SIRT5: variants seen among roughly 807,000 people sequenced by gnomAD.
SIRT5 encodes the protein NAD-dependent protein deacylase sirtuin-5, mitochondrial.
Under a neutral mutation model 40.0 loss-of-function variants are expected in SIRT5, and 26 were observed. The ratio of observed to expected loss-of-function variants is 0.65; its 90% CI spans 0.48 to 0.90. SIRT5 has a LOEUF of 0.90. Among genes scored for constraint, SIRT5 ranks in the 40% least tolerant of loss-of-function variants. SIRT5 has a pLI of 0.00. For missense variants in SIRT5, 401 were observed against 402.4 expected, an observed-to-expected ratio of 1.00 and a Z score of 0.03; for synonymous variants, 146 against 149.1, an observed-to-expected ratio of 0.98 and a Z score of 0.15.
At chr6:13,606,488 G>C (rs1763124322) in intron 9 of SIRT5, among the ~76,000 whole-genome samples, 1 of 152,106 alleles carries the variant, frequency 6.6e-6, no homozygotes, top group Admixed American at 6.5e-5. Flanking sequence ...TGTGTGTTAG[G>C]GAAGTCCAGC....
intron 1 of SIRT5, among the ~76,000 whole-genome samples, chr6:13,579,060 C>T (rs1419130426): frequency 6.6e-6 from 1 of 152,134 alleles, no homozygotes; most frequent in Non-Finnish European, 1.5e-5. Flanking sequence ...CACAATGGTG[C>T]CTTGTCACCC....
chr6:13,577,518 T>G (rs1758781217), intron 1 of SIRT5, among the ~76,000 whole-genome samples: 2 of 151,862 alleles, frequency 1.3e-5, no homozygotes, highest in South Asian at 4.1e-4. Context: ...CTGAATTTAT[T>G]AGTTCTAACA....
At position 13,611,234 on chromosome 6, in the gene SIRT5, TATAC is replaced by T. The variant is rs1276487591; in HGVS notation, c.858-554_858-551del. Among the ~76,000 whole-genome samples, 421 of 132,648 alleles carry T rather than the reference TATAC, an allele frequency of 3.2e-3. 2 individuals carry two copies. The highest frequency in any genetic ancestry group is 7.9e-3 in the African/African-American group (253 of 32,106). The allele number at this position is 132,648 out of a possible 152,430, so 87.0% of individuals were successfully genotyped here. On this transcript the variant is annotated intron_variant, in intron 9 of 9. Transcript: ENST00000606117. ...ATATATATATATATATATATATATA[TATAC>T]ACACACACATACACACACACATATA...
In SIRT5 at chr6:13,614,407, A is replaced by C. The variant is rs1320122154; in HGVS notation, c.*2542A>C. The C allele has an allele frequency of 6.6e-6, 1 of 152,272 alleles. No individual in the cohort carries two copies. Among genetic ancestry groups the C allele is most frequent in the Non-Finnish European group, 1.5e-5 (1 of 68,074 alleles). 9.4% of individuals were successfully genotyped at this position (152,272 alleles called of 1,614,324 possible). On this transcript the variant is annotated 3_prime_UTR_variant, in exon 10 of 10. Coordinates refer to ENST00000606117, the MANE Select transcript of SIRT5 (RefSeq NM_012241.5). The stretch of plus-strand genomic sequence containing the variant: ...GGGCTGCGGCAGTAGAGGGAAGAGC[A>C]CGGTCGGTACAAATGCATGGCAGGT...
rs758228538 is a variant in SIRT5 at position 13,599,122 on chromosome 6, C to T, written c.708C>T (p.Asp236=). The change falls in exon 8 of 10, where the codon GAC becomes GAT. Residue 236 remains aspartate (D), a synonymous_variant. Transcript: ENST00000606117. The part of the protein sequence containing the change: ...NLDPAILEEV[D]RELAHCDLCL... ...ATCCTGCCATTCTGGAGGAGGTTGA[C>T]AGAGAGCTCGCCCACTGTGATTTAT... The T allele has an allele frequency of 2.5e-6, 4 of 1,614,082 alleles. 1 individual carries two copies. Among genetic ancestry groups the T allele is most frequent in the East Asian group, 2.2e-5 (1 of 44,878 alleles).
intron 4 of SIRT5, chr6:13,588,955 T>TA (rs1760439820): frequency 1.3e-5 from 2 of 153,552 alleles, no homozygotes; most frequent in African/African-American, 4.8e-5. Context: ...ATACATAAAG[T>TA]AAAAGTCACC....
At chr6:13,590,647 G>A (rs1176744513) in intron 4 of SIRT5, among the ~76,000 whole-genome samples, 1 of 152,052 alleles carries the variant, frequency 6.6e-6, no homozygotes, top group Non-Finnish European at 1.5e-5. Context: ...ATGTTTAGTT[G>A]TGTGTGTGCA....
chr6:13,597,904 A>G (rs1761812992), intron 7 of SIRT5, among the ~76,000 whole-genome samples: 1 of 152,204 alleles, frequency 6.6e-6, no homozygotes, highest in African/African-American at 2.4e-5. Context: ...TTCATAGAAC[A>G]TTAATTTAAT....
intron 9 of SIRT5, chr6:13,604,526 C>A: frequency 1.3e-6 from 2 of 1,580,272 alleles, no homozygotes; most frequent in Non-Finnish European, 1.7e-6. Flanking sequence ...TAAAACAAGT[C>A]ATCATTGTAG....
At chr6:13,593,825 G>A (rs187821668) in intron 5 of SIRT5, among the ~76,000 whole-genome samples, 349 of 152,280 alleles carry the variant, frequency 2.3e-3, no homozygotes, top group African/African-American at 7.9e-3. Flanking sequence ...CATAAAGTAT[G>A]AGTATGATAA....
Position 13,612,007 on chromosome 6 carries a change from T to C in SIRT5, c.*142T>C, listed in dbSNP as rs1008238378. The C allele has an allele frequency of 2.8e-5, 19 of 690,220 alleles. No individual in the cohort carries two copies. The African/African-American group carries it at 3.1e-4, about 11-fold the overall frequency. 42.8% of individuals were successfully genotyped at this position (690,220 alleles called of 1,614,324 possible). A position where few individuals can be genotyped will look rare whatever the true frequency, so the allele number is the denominator to read the frequency against. On this transcript the variant is annotated 3_prime_UTR_variant, in exon 10 of 10. Coordinates refer to ENST00000606117, the MANE Select transcript of SIRT5 (RefSeq NM_012241.5). The stretch of plus-strand genomic sequence containing the variant: ...CCCTCGCTGGAATCCAACCTGTTGA[T>C]AAGTGATGGGGGTTTAGAAGTAGCA...
At chr6:13,602,633 C>G (rs191013692) in intron 9 of SIRT5, among the ~76,000 whole-genome samples, 2 of 151,930 alleles carry the variant, frequency 1.3e-5, no homozygotes, top group African/African-American at 4.8e-5. Context: ...AACAATAAAA[C>G]AAACCTCACA....
At chr6:13,591,129 G>A (rs929809969) in intron 4 of SIRT5, among the ~76,000 whole-genome samples, 4 of 151,508 alleles carry the variant, frequency 2.6e-5, no homozygotes, top group African/African-American at 9.7e-5. Flanking sequence ...TGTATATTGA[G>A]TTGTGTGTGT....
intron 5 of SIRT5, among the ~76,000 whole-genome samples, chr6:13,592,469 A>C (rs1265900566): frequency 1.3e-5 from 2 of 152,136 alleles, no homozygotes; most frequent in African/African-American, 2.4e-5. Context: ...GGCACTCCCC[A>C]CTGAGGCTGT....
At chr6:13,577,855 T>A (rs1758823876) in intron 1 of SIRT5, among the ~76,000 whole-genome samples, 2 of 152,072 alleles carry the variant, frequency 1.3e-5, no homozygotes, top group African/African-American at 4.8e-5. Flanking sequence ...AGTACTACAC[T>A]GAATAGACAA....
At chr6:13,611,274 CAT>C (rs1374563511) in intron 9 of SIRT5, among the ~76,000 whole-genome samples, 6 of 144,832 alleles carry the variant, frequency 4.1e-5, no homozygotes, top group Non-Finnish European at 9.1e-5. Context: ...TATACACACA[CAT>C]ATATACACAA....
intron 7 of SIRT5, among the ~76,000 whole-genome samples, chr6:13,597,756 G>A (rs1355135692): frequency 1.3e-5 from 2 of 152,062 alleles, no homozygotes; most frequent in African/African-American, 4.8e-5. Flanking sequence ...ATGTTGGCCA[G>A]GCTGGTCTCG....
chr6:13,578,603 C>T (rs1207624029), intron 1 of SIRT5, among the ~76,000 whole-genome samples: 9 of 124,574 alleles, frequency 7.2e-5, no homozygotes, highest in East Asian at 2.3e-4. Context: ...GGGGACAGAG[C>T]GAGACTCCAT....
rs1320056004 is a variant in SIRT5, at chr6:13,613,342, C to T, written c.*1477C>T. On this transcript the variant is annotated 3_prime_UTR_variant, in exon 10 of 10. Transcript: ENST00000606117. Reference sequence around the variant, plus strand: ...AGTAAGAATACAGCTTTTTCCTTAACCTTTACCAGCTAACTCAGTGCTTAG... The same window carrying T: ...AGTAAGAATACAGCTTTTTCCTTAATCTTTACCAGCTAACTCAGTGCTTAG... The T allele has an allele frequency of 6.6e-6, 1 of 152,176 alleles. No homozygotes were observed. The highest frequency in any genetic ancestry group is 1.5e-5 in the Non-Finnish European group (1 of 68,038). 9.4% of individuals were successfully genotyped at this position (152,176 alleles called of 1,614,324 possible).
Sources: allele counts gnomAD v4.1 joint callset (sites outside exome capture counted in the v4.1 genomes callset), GRCh38; gene constraint gnomAD v4.1.1; transcripts MANE v1.5; gene names NCBI Gene and HGNC (gene_info 2026-07-23, HGNC 2026-07-21).